MUC17: variants seen among roughly 807,000 people sequenced by gnomAD.
MUC17 encodes mucin 17, cell surface associated.
A neutral mutation model predicts 170.3 loss-of-function variants in MUC17; 190 were observed. That is an observed-to-expected ratio of 1.12 (90% CI 0.99 to 1.26). MUC17 has a LOEUF of 1.26. Ranked by LOEUF, MUC17 falls within the 50% of genes most tolerant of loss-of-function variation. The probability of loss-of-function intolerance (pLI) is 0.00; values close to 1 mark genes in which losing one functional copy is unlikely to be tolerated. For missense variants in MUC17, 6,415 were observed against 5,530.0 expected, an observed-to-expected ratio of 1.16 and a Z score of -5.08; for synonymous variants, 2,325 against 2,002.5, an observed-to-expected ratio of 1.16 and a Z score of -4.30.
At chr7:101,025,748 C>T (rs1794168634) in intron 1 of MUC17, among the ~76,000 whole-genome samples, 1 of 148,286 alleles carries the variant, frequency 6.7e-6, no homozygotes, top group South Asian at 2.1e-4. Context: ...GAGCCAGGAT[C>T]ATGCCACTGC....
Position 101,036,533 on chromosome 7 carries a change from C to T in MUC17, c.5117C>T (p.Ala1706Val). Residue 1706 changes from alanine to valine, a missense_variant, in exon 3 of 13, where the codon GCA (alanine) becomes GTA (valine). Transcript: ENST00000306151. ...AGAACAACACCGGTGGCCAGCTCTG[C>T]AATCAGCACCCTTTCAACAACTCCC... ...TVRTTPVASS[A>V]ISTLSTTPVD... 2 of 1,609,578 alleles carry T rather than the reference C, an allele frequency of 1.2e-6. No homozygotes were observed. The highest frequency in any genetic ancestry group is 1.1e-5 in the South Asian group (1 of 90,554).
intron 1 of MUC17, among the ~76,000 whole-genome samples, chr7:101,021,464 A>T (rs1210569915): frequency 1.3e-5 from 2 of 152,116 alleles, no homozygotes; most frequent in Non-Finnish European, 2.9e-5. Flanking sequence ...CTGGGATTAC[A>T]GGGGTGAGCC....
Position 101,042,106 on chromosome 7 carries a change from ACC to A in MUC17, c.10691_10692del (p.Thr3564AsnfsTer9), listed in dbSNP as rs760081178. ...TTCATCTCCAGCAACTCTTCAGGTCACCACTATGCGTATGTCTACTCCAAGTG... is the reference window on the plus strand; with the variant it reads ...TTCATCTCCAGCAACTCTTCAGGTCAACTATGCGTATGTCTACTCCAAGTG... ...ASSSPATLQV[T>X]TMRMSTPSEG... On this transcript the variant is annotated frameshift_variant, in exon 3 of 13. Transcript: ENST00000306151. LOFTEE classifies it high-confidence loss of function. The A allele has an allele frequency of 6.2e-7, 1 of 1,614,162 alleles. No homozygotes were observed. Among genetic ancestry groups the A allele is most frequent in the Non-Finnish European group, 8.5e-7 (1 of 1,180,028 alleles).
In MUC17 at chr7:101,051,946, A is replaced by C; in HGVS notation, c.13087A>C (p.Ser4363Arg). 1 of 1,613,458 alleles carries C rather than the reference A, an allele frequency of 6.2e-7. No individual in the cohort carries two copies. Among genetic ancestry groups the C allele is most frequent in the East Asian group, 2.2e-5 (1 of 44,862 alleles). ...CNLGKCQMSL[S>R]GPQCLCVTTE... The stretch of plus-strand genomic sequence containing the variant: ...CCTCGGCAAGTGCCAGATGTCTCTA[A>C]GTGGACCTCAGTGCCTGTGAGTGCT... Residue 4363 changes from serine (S) to arginine (R), a missense_variant, in exon 9 of 13, where the codon AGT (serine) becomes CGT (arginine). Ser to Arg is a moderately radical substitution (Grantham distance 110). Coordinates refer to ENST00000306151, the MANE Select transcript of MUC17 (RefSeq NM_001040105.2).
At position 101,038,616 on chromosome 7, in the gene MUC17, A is replaced by C. The variant is rs1215473291; in HGVS notation, c.7200A>C (p.Thr2400=). 1 of 1,613,918 alleles carries C rather than the reference A, an allele frequency of 6.2e-7. No homozygotes were observed. Among genetic ancestry groups the C allele is most frequent in the African/African-American group, 1.3e-5 (1 of 74,896 alleles). ...STYSEGSTPL[T]SVPVSTMPVV... ...ATAGTGAAGGAAGCACTCCACTAACAAGTGTGCCTGTCAGCACCATGCCGG... is the reference window on the plus strand; with the variant it reads ...ATAGTGAAGGAAGCACTCCACTAACCAGTGTGCCTGTCAGCACCATGCCGG... Residue 2400 remains threonine (T), a synonymous_variant, in exon 3 of 13, where the codon ACA becomes ACC. Transcript: ENST00000306151.
Position 101,041,579 on chromosome 7 carries a change from G to A in MUC17, c.10163G>A (p.Ser3388Asn). Reference protein sequence around the residue: ...SLSPTTAEGTSIPTSSPSEGT... With the variant: ...SLSPTTAEGTNIPTSSPSEGT... ...TCTCCTACAACTGCTGAAGGTACCA[G>A]CATACCAACCTCAAGTCCTAGTGAA... The change falls in exon 3 of 13, where the codon AGC (serine) becomes AAC (asparagine). Residue 3388 changes from serine to asparagine, a missense_variant. Coordinates refer to ENST00000306151, the MANE Select transcript of MUC17 (RefSeq NM_001040105.2). 6.2e-7 allele frequency: 1 copy of A among 1,613,178 alleles called. No individual in the cohort carries two copies. The highest frequency in any genetic ancestry group is 8.5e-7 in the Non-Finnish European group (1 of 1,179,862).
intron 3 of MUC17, among the ~76,000 whole-genome samples, chr7:101,046,608 T>G (rs1562821192): frequency 6.6e-6 from 1 of 152,028 alleles, no homozygotes. Flanking sequence ...ATACCCCATC[T>G]CTACAGAAAA....
In MUC17 at chr7:101,032,714, C is replaced by T; in HGVS notation, c.1298C>T (p.Ser433Phe). 6.3e-7 allele frequency: 1 copy of T among 1,576,656 alleles called. No individual in the cohort carries two copies. The highest frequency in any genetic ancestry group is 8.7e-7 in the Non-Finnish European group (1 of 1,154,644). ...ACCACTGCTAGTGAAGCCAGCTCAT[C>T]TCCCACAACTGCTGAAGATACCAGC... is the stretch of plus-strand genomic sequence containing the variant. ...FVTTASEASS[S>F]PTTAEDTSIA... The change falls in exon 3 of 13, where the codon TCT becomes TTT. Residue 433 changes from serine (S) to phenylalanine (F), a missense_variant. Ser to Phe is a radical substitution (Grantham distance 155). Coordinates refer to ENST00000306151, the MANE Select transcript of MUC17 (RefSeq NM_001040105.2).
chr7:101,033,508 A>G lies in MUC17; in HGVS notation c.2092A>G (p.Thr698Ala). 2.5e-6 allele frequency: 4 copies of G among 1,614,074 alleles called. No individual in the cohort carries two copies. The highest frequency in any genetic ancestry group is 3.4e-6 in the Non-Finnish European group (4 of 1,180,004). Residue 698 changes from threonine (T) to alanine (A), a missense_variant, in exon 3 of 13, where the codon ACA becomes GCA. By Grantham distance (58) the Thr-to-Ala change is moderately conservative. Transcript: ENST00000306151. ...TPLTSMPVNT[T>A]LVASSEASTL... ...ATTAACAAGTATGCCTGTCAACACCACACTGGTGGCCAGTTCTGAGGCTAG... is the reference window on the plus strand; with the variant it reads ...ATTAACAAGTATGCCTGTCAACACCGCACTGGTGGCCAGTTCTGAGGCTAG...
At position 101,053,049 on chromosome 7, in the gene MUC17, T is replaced by C. The variant is rs757588804; in HGVS notation, c.13167T>C (p.Ser4389=). 1 of 1,613,742 alleles carries C rather than the reference T, an allele frequency of 6.2e-7. No individual in the cohort carries two copies. Among genetic ancestry groups the C allele is most frequent in the South Asian group, 1.1e-5 (1 of 91,064 alleles). Residue 4389 remains serine, a synonymous_variant, in exon 10 of 13, where the codon AGT becomes AGC. Transcript: ENST00000306151. ...GETCNQGTQK[S]LVYGLVGAGV... ...CCTGTAACCAGGGCACCCAGAAGAG[T>C]CTGGTGTACGGCCTCGTGGGGGCAG...
intron 1 of MUC17, among the ~76,000 whole-genome samples, 178 bp from the exon 2 acceptor site, chr7:101,030,942 T>C (rs1212317414): frequency 1.3e-5 from 2 of 152,214 alleles, no homozygotes; most frequent in African/African-American, 4.8e-5. Context: ...AAATCCCCTG[T>C]ACCATCTTCT....
chr7:101,046,566 A>G (rs1794845149), intron 3 of MUC17, among the ~76,000 whole-genome samples: 1 of 152,118 alleles, frequency 6.6e-6, no homozygotes, highest in South Asian at 2.1e-4. Context: ...TGTTAAGGCC[A>G]GGAGTTTGAG....
At chr7:101,020,349 C>T in intron 1 of MUC17, 132 bp downstream of exon 1, 1 of 603,232 alleles carries the variant, frequency 1.7e-6, no homozygotes. Flanking sequence ...GGAGCTCAGC[C>T]CTGTGCCTAC....
chr7:101,031,296 C>T, intron 2 of MUC17, 75 bp downstream of exon 2: 1 of 1,528,812 alleles, frequency 6.5e-7, no homozygotes, highest in Non-Finnish European at 8.8e-7. Context: ...CCCTGCCAGG[C>T]TGGTGAAGCT....
At chr7:101,023,056 T>C (rs1167192858) in intron 1 of MUC17, among the ~76,000 whole-genome samples, 1 of 152,080 alleles carries the variant, frequency 6.6e-6, no homozygotes, top group Non-Finnish European at 1.5e-5. Flanking sequence ...CCATGATCCC[T>C]CTGAAGTCGC....
intron 1 of MUC17, among the ~76,000 whole-genome samples, chr7:101,024,878 G>A (rs1299943557): frequency 6.6e-6 from 1 of 151,254 alleles, no homozygotes; most frequent in Non-Finnish European, 1.5e-5. Flanking sequence ...AAAAGAAATC[G>A]TTGACCAGGA....
In MUC17 at chr7:101,052,974, C is replaced by T. The variant is rs745639623; in HGVS notation, c.13104-12C>T. ...TCTCTCTCCCCAACCTGCCGCTTCT[C>T]TCCCATCTCAGCTGCGTGACCACGG... On this transcript the variant is annotated splice_polypyrimidine_tract_variant and intron_variant, in intron 9 of 12. Coordinates refer to ENST00000306151, the MANE Select transcript of MUC17 (RefSeq NM_001040105.2). 6.8e-6 allele frequency: 11 copies of T among 1,608,876 alleles called. No individual in the cohort carries two copies. Among genetic ancestry groups the T allele is most frequent in the Admixed American group, 1.7e-5 (1 of 59,590 alleles).
At chr7:101,048,766 T>G in intron 4 of MUC17, 79 bp from the exon 5 acceptor site, 1 of 1,539,504 alleles carries the variant, frequency 6.5e-7, no homozygotes, top group Non-Finnish European at 8.9e-7. Flanking sequence ...TGGAGCTCAC[T>G]CCCTCCACCC....
chr7:101,049,425 G>A (rs1350901149), intron 6 of MUC17, 43 bp downstream of exon 6: 1 of 1,589,160 alleles, frequency 6.3e-7, no homozygotes, highest in East Asian at 2.2e-5. Flanking sequence ...TGGCGTGGAA[G>A]CAGTGGTCAT....
Sources: allele counts gnomAD v4.1 joint callset (sites outside exome capture counted in the v4.1 genomes callset), GRCh38; gene constraint gnomAD v4.1.1; transcripts MANE v1.5; gene names NCBI Gene and HGNC (gene_info 2026-07-23, HGNC 2026-07-21).